Variants in SPATA2 observed in about 807,000 individuals in gnomAD.
The protein encoded by SPATA2 is spermatogenesis associated 2.
In SPATA2, 8 loss-of-function variants were observed where a neutral mutation model predicts 35.4. The observed-to-expected ratio is 0.23, with a 90% CI of 0.13 to 0.41. The LOEUF is 0.41. Ranked by LOEUF, SPATA2 falls within the 10% of genes least tolerant of loss-of-function variation. The probability of loss-of-function intolerance (pLI) is 1.00; values close to 1 mark genes in which losing one functional copy is unlikely to be tolerated. For synonymous variants in SPATA2, 293 were observed against 300.9 expected, an observed-to-expected ratio of 0.97 and a Z score of 0.27; for missense variants, 650 against 698.7, an observed-to-expected ratio of 0.93 and a Z score of 0.79.
chr20:49,913,196 C>T (rs1600857418), intron 1 of SPATA2, among the ~76,000 whole-genome samples: 1 of 152,204 alleles, frequency 6.6e-6, no homozygotes, highest in Non-Finnish European at 1.5e-5. Context: ...ACTTTACCTA[C>T]ATCATCCCAT....
At chr20:49,913,164 T>C (rs1403671016) in intron 1 of SPATA2, among the ~76,000 whole-genome samples, 3 of 152,164 alleles carry the variant, frequency 2.0e-5, no homozygotes, top group African/African-American at 7.2e-5. Flanking sequence ...GGTTCTACTA[T>C]GTGCTAAGCA....
rs564109820 is a variant in SPATA2 at position 49,903,662 on chromosome 20, G to C, written c.*1957C>G. On this transcript the variant is annotated 3_prime_UTR_variant, in exon 3 of 3. Coordinates refer to ENST00000289431, the MANE Select transcript of SPATA2 (RefSeq NM_006038.4). ...TAGTCATTCCTGCTTTTGTCCATAG[G>C]GTAAGTTACGTGGCATCACGGTTGG... is the stretch of plus-strand genomic sequence containing the variant. The C allele has an allele frequency of 6.6e-6, 1 of 151,830 alleles. No homozygotes were observed. The highest frequency in any genetic ancestry group is 2.4e-5 in the African/African-American group (1 of 41,294). 9.4% of individuals were successfully genotyped at this position (151,830 alleles called of 1,614,324 possible).
In SPATA2 at chr20:49,908,405, G is replaced by GTATCCACTTTGC. The variant is rs1463097265; in HGVS notation, c.74_85dup (p.Ser25_Asp28dup). ...GCCAGGCCGCTGCCTGCTGGTGGTGGTATCCACTTTGCTCTCATGGAACTG... is the reference window on the plus strand; with the variant it reads ...GCCAGGCCGCTGCCTGCTGGTGGTGGTATCCACTTTGCTATCCACTTTGCTCTCATGGAACTG... On this transcript the variant is annotated inframe_insertion, in exon 2 of 3. Coordinates refer to ENST00000289431, the MANE Select transcript of SPATA2 (RefSeq NM_006038.4). 1.2e-6 allele frequency: 2 copies of GTATCCACTTTGC among 1,613,982 alleles called. No homozygotes were observed. Among genetic ancestry groups the GTATCCACTTTGC allele is most frequent in the Non-Finnish European group, 1.7e-6 (2 of 1,179,942 alleles).
At chr20:49,907,984 G>A (rs2090158394) in intron 2 of SPATA2, among the ~76,000 whole-genome samples, 171 bp downstream of exon 2, 1 of 152,204 alleles carries the variant, frequency 6.6e-6, no homozygotes. Context: ...TGTGGCAGCC[G>A]GGCCAGAAAC....
rs756198064 is a variant in SPATA2, at chr20:49,906,501, T to G, written c.681A>C (p.Arg227=). 3 of 1,611,700 alleles carry G rather than the reference T, an allele frequency of 1.9e-6. No homozygotes were observed. The highest frequency in any genetic ancestry group is 1.7e-5 in the Admixed American group (1 of 60,006). Residue 227 remains arginine, a synonymous_variant, in exon 3 of 3, where the codon CGA becomes CGC. Transcript: ENST00000289431. This position sits in a 1 kb window ranked among gnomAD's most constrained non-coding sequence, Gnocchi z 8.2. Reference sequence around the variant, plus strand: ...CGCTGGCCGACTTCTGGAGTGCCACTCGTGACATGGAGGCCGTCAGGTGCT... The same window carrying G: ...CGCTGGCCGACTTCTGGAGTGCCACGCGTGACATGGAGGCCGTCAGGTGCT... ...GREHLTASMS[R]VALQKSASER...
chr20:49,906,272 A>C lies in SPATA2; in HGVS notation c.910T>G (p.Ser304Ala). ...AGCACATCCGGGCTGCCGTGGGGGG[A>C]GCTGGCCATGGTCAGCAGCGAAGGG... ...PSPSLLTMAS[S>A]PHGSPDVLPP... The change falls in exon 3 of 3, where the codon TCC becomes GCC. Residue 304 changes from serine (S) to alanine (A), a missense_variant. Physicochemically the swap from Ser to Ala is moderately conservative, Grantham distance 99 (BLOSUM62 1). Transcript: ENST00000289431. The surrounding 1 kb of genome is among the most constrained non-coding windows in gnomAD (Gnocchi z 8.2). 1.3e-6 allele frequency: 2 copies of C among 1,570,488 alleles called. No individual in the cohort carries two copies. The highest frequency in any genetic ancestry group is 1.7e-6 in the Non-Finnish European group (2 of 1,156,530).
Position 49,905,602 on chromosome 20 carries a change from G to A in SPATA2, c.*17C>T. On this transcript the variant is annotated 3_prime_UTR_variant, in exon 3 of 3. Transcript: ENST00000289431. The stretch of plus-strand genomic sequence containing the variant: ...TCGGTTGATGTAGCCCTTGGAGCTG[G>A]AAGGGGCGAGGCCGGTCTATCTGTA... 1.2e-6 allele frequency: 2 copies of A among 1,611,196 alleles called. No individual in the cohort carries two copies. The highest frequency in any genetic ancestry group is 8.5e-7 in the Non-Finnish European group (1 of 1,177,676).
intron 1 of SPATA2, among the ~76,000 whole-genome samples, chr20:49,915,145 G>T (rs1401841660): frequency 6.6e-6 from 1 of 152,158 alleles, no homozygotes; most frequent in Non-Finnish European, 1.5e-5. Flanking sequence ...CTCTTGGGCG[G>T]CCCTGAGCCA....
chr20:49,906,191 T>G lies in SPATA2; in HGVS notation c.991A>C (p.Thr331Pro), dbSNP rs371070277. ...PALLRGTYFSTQDDVDLYTDS... is the reference protein window; with the variant it reads ...PALLRGTYFSPQDDVDLYTDS... ...GTGTACAGATCCACGTCATCCTGAG[T>G]GGAGAAGTAGGTACCGCGCAGCAGG... Residue 331 changes from threonine (T) to proline (P), a missense_variant, in exon 3 of 3, where the codon ACT becomes CCT. Coordinates refer to ENST00000289431, the MANE Select transcript of SPATA2 (RefSeq NM_006038.4). The surrounding 1 kb of genome is among the most constrained non-coding windows in gnomAD (Gnocchi z 8.2). 83 of 1,582,182 alleles carry G rather than the reference T, an allele frequency of 5.2e-5. No homozygotes were observed. The Middle Eastern group carries it at 2.5e-3, about 48-fold the overall frequency.
Position 49,906,160 on chromosome 20 carries a change from G to A in SPATA2, c.1022C>T (p.Ser341Phe). 2 of 1,605,508 alleles carry A rather than the reference G, an allele frequency of 1.2e-6. No homozygotes were observed. The highest frequency in any genetic ancestry group is 1.1e-5 in the South Asian group (1 of 89,458). ...CCGACGGTAGGTGGCCCTGGGTTCAGAGTCTGTGTACAGATCCACGTCATC... is the reference window on the plus strand; with the variant it reads ...CCGACGGTAGGTGGCCCTGGGTTCAAAGTCTGTGTACAGATCCACGTCATC... ...TQDDVDLYTDSEPRATYRRQD... is the reference protein window; with the variant it reads ...TQDDVDLYTDFEPRATYRRQD... Residue 341 changes from serine (S) to phenylalanine (F), a missense_variant, in exon 3 of 3, where the codon TCT becomes TTT. Transcript: ENST00000289431. This position sits in a 1 kb window ranked among gnomAD's most constrained non-coding sequence, Gnocchi z 8.2.
chr20:49,912,929 T>G (rs1843500424), intron 1 of SPATA2, among the ~76,000 whole-genome samples: 1 of 128,778 alleles, frequency 7.8e-6, no homozygotes, highest in Non-Finnish European at 1.6e-5. Flanking sequence ...ATAGTTAGAC[T>G]CCGTCTCTAC....
intron 1 of SPATA2, among the ~76,000 whole-genome samples, chr20:49,909,046 G>T (rs1600855158): frequency 6.6e-6 from 1 of 152,048 alleles, no homozygotes; most frequent in Middle Eastern, 3.4e-3. Context: ...TTTTTGAGAT[G>T]GATCCTTGCT....
At chr20:49,909,987 C>A (rs1568908687) in intron 1 of SPATA2, among the ~76,000 whole-genome samples, 1 of 152,208 alleles carries the variant, frequency 6.6e-6, no homozygotes, top group Admixed American at 6.5e-5. Context: ...GCTTGACAGC[C>A]CCCTGTTGGG....
At chr20:49,908,633 G>T (rs573367277) in intron 1 of SPATA2, 41 bp from the exon 2 acceptor site, 3 of 724,754 alleles carry the variant, frequency 4.1e-6, no homozygotes, top group Non-Finnish European at 6.7e-6. Flanking sequence ...TCCTCGATAC[G>T]GTCGCGCTTC....
At chr20:49,911,523 C>A (rs1037811864) in intron 1 of SPATA2, among the ~76,000 whole-genome samples, 3 of 151,894 alleles carry the variant, frequency 2.0e-5, no homozygotes, top group African/African-American at 7.3e-5. Flanking sequence ...AAAAATTAGA[C>A]GGGTGTGGCA....
Position 49,905,406 on chromosome 20 carries a change from C to A in SPATA2, c.*213G>T, listed in dbSNP as rs1453256768. On this transcript the variant is annotated 3_prime_UTR_variant, in exon 3 of 3. Coordinates refer to ENST00000289431, the MANE Select transcript of SPATA2 (RefSeq NM_006038.4). ...AAATGAATCTGAACGGAAGTGCCAC[C>A]TTCTCCCTTGTCAGACAACAAAGCA... 1.7e-6 allele frequency: 1 copy of A among 581,756 alleles called. No individual in the cohort carries two copies. The highest frequency in any genetic ancestry group is 2.8e-5 in the East Asian group (1 of 35,674). 36.0% of individuals were successfully genotyped at this position (581,756 alleles called of 1,614,324 possible).
intron 1 of SPATA2, among the ~76,000 whole-genome samples, chr20:49,912,265 C>A (rs1315344684): frequency 6.6e-6 from 1 of 152,134 alleles, no homozygotes; most frequent in Admixed American, 6.5e-5. Flanking sequence ...ACTAGCCTGG[C>A]CAACATAGCG....
Position 49,906,237 on chromosome 20 carries a change from G to A in SPATA2, c.945C>T (p.Ala315=), listed in dbSNP as rs1169939509. ...GCAGGGCCGGGCCGTTGCTGGGGGAGGCGGGTGGAAGCACATCCGGGCTGC... is the reference window on the plus strand; with the variant it reads ...GCAGGGCCGGGCCGTTGCTGGGGGAAGCGGGTGGAAGCACATCCGGGCTGC... ...PHGSPDVLPP[A]SPSNGPALLR... is the part of the protein sequence containing the mutation. Residue 315 remains alanine, a synonymous_variant, in exon 3 of 3, where the codon GCC becomes GCT. Coordinates refer to ENST00000289431, the MANE Select transcript of SPATA2 (RefSeq NM_006038.4). This position sits in a 1 kb window ranked among gnomAD's most constrained non-coding sequence, Gnocchi z 8.2. 1 of 1,568,554 alleles carries A rather than the reference G, an allele frequency of 6.4e-7. No individual in the cohort carries two copies. The highest frequency in any genetic ancestry group is 1.3e-5 in the African/African-American group (1 of 74,192).
In SPATA2 at chr20:49,904,215, C is replaced by G. The variant is rs1426442521; in HGVS notation, c.*1404G>C. 3 of 152,424 alleles carry G rather than the reference C, an allele frequency of 2.0e-5. No homozygotes were observed. Among genetic ancestry groups the G allele is most frequent in the African/African-American group, 7.3e-5 (3 of 41,378 alleles). The allele number at this position is 152,424 out of a possible 1,614,324, so 9.4% of individuals were successfully genotyped here. On this transcript the variant is annotated 3_prime_UTR_variant, in exon 3 of 3. Coordinates refer to ENST00000289431, the MANE Select transcript of SPATA2 (RefSeq NM_006038.4). ...TGCCCCACTCCTGCTCTTGTACCCCCACAAGGAAAATCCAGGGGTTGGTAA... is the reference window on the plus strand; with the variant it reads ...TGCCCCACTCCTGCTCTTGTACCCCGACAAGGAAAATCCAGGGGTTGGTAA...
Sources: gnomAD v4.1 joint callset for allele counts (sites outside exome capture counted in the v4.1 genomes callset) on GRCh38, gnomAD v4.1.1 for gene constraint, Gnocchi (gnomAD v3.1) non-coding constraint, MANE v1.5 for transcripts, NCBI Gene and HGNC (gene_info 2026-07-23, HGNC 2026-07-21) for gene names.